GALNT17: variants seen among roughly 807,000 people sequenced by gnomAD.
GALNT17 encodes the protein polypeptide N-acetylgalactosaminyltransferase 17.
In GALNT17, 29 loss-of-function variants were observed where a neutral mutation model predicts 63.7. That is an observed-to-expected ratio of 0.46 (90% confidence interval 0.34 to 0.62). The LOEUF is 0.62. Among genes scored for constraint, GALNT17 ranks in the 20% least tolerant of loss-of-function variants. The pLI, the probability that GALNT17 is intolerant of heterozygous loss-of-function variation, is 0.01. For missense variants in GALNT17, 603 were observed against 799.6 expected (o/e 0.75, Z 2.97); for synonymous variants, 305 against 318.3 (o/e 0.96, Z 0.45).
intron 5 of GALNT17, among the ~76,000 whole-genome samples, chr7:71,562,501 C>T (rs539360919): frequency 7.2e-5 from 11 of 152,242 alleles, no homozygotes; most frequent in Admixed American, 2.0e-4. Context: ...TGATGGGAGA[C>T]GGTGACAGAT....
intron 6 of GALNT17, among the ~76,000 whole-genome samples, chr7:71,572,515 A>AC (rs530275754): frequency 0.064 from 8,295 of 129,998 alleles, 468 homozygotes; most frequent in East Asian, 0.16. Context: ...AAAAAAAAAA[A>AC]AAAAAAAAAA....
rs1299447841 is a variant in GALNT17 at position 71,421,099 on chromosome 7, C to T, written c.956C>T (p.Pro319Leu). 1 of 1,613,968 alleles carries T rather than the reference C, an allele frequency of 6.2e-7. No homozygotes were observed. Among genetic ancestry groups the T allele is most frequent in the Non-Finnish European group, 8.5e-7 (1 of 1,179,922 alleles). ...DWWDAGDPSL[P>L]IRTPAMIGCS... is the part of the protein sequence containing the mutation. ...TGGGACGCCGGAGACCCTTCTCTCCCCATCAGGTCTGTGGCTGGTGAGCCC... is the reference window on the plus strand; with the variant it reads ...TGGGACGCCGGAGACCCTTCTCTCCTCATCAGGTCTGTGGCTGGTGAGCCC... Residue 319 changes from proline (P) to leucine (L), a missense_variant, in exon 5 of 11, where the codon CCC becomes CTC. Physicochemically the swap from Pro to Leu is moderately conservative, Grantham distance 98 (BLOSUM62 -3). Around this residue, in one of 3 missense-constraint regions of GALNT17, gnomAD observed 336 missense variants for 507.8 expected, o/e 0.66. Transcript: ENST00000333538.
intron 2 of GALNT17, among the ~76,000 whole-genome samples, chr7:71,352,065 C>G (rs1351993293): frequency 6.6e-6 from 1 of 152,056 alleles, no homozygotes; most frequent in African/African-American, 2.4e-5. Flanking sequence ...AATTGTAGCT[C>G]TCATAATTCC....
chr7:71,623,893 G>A (rs1048408800), intron 6 of GALNT17, among the ~76,000 whole-genome samples: 2 of 152,094 alleles, frequency 1.3e-5, no homozygotes, highest in African/African-American at 4.8e-5. Context: ...CAAAAGACAG[G>A]ACCAAAACTC....
chr7:71,596,239 C>T (rs1237761839), intron 6 of GALNT17, among the ~76,000 whole-genome samples: 1 of 152,078 alleles, frequency 6.6e-6, no homozygotes, highest in Non-Finnish European at 1.5e-5. Context: ...GGGGTTTCAC[C>T]ATGTTGGCCA....
rs557013787 is a variant in GALNT17 at position 71,602,457 on chromosome 7, G to A, written c.1080+31055G>A. The stretch of plus-strand genomic sequence containing the variant: ...ATAAAAGCTGTATCTTTGATGTCTC[G>A]GCTTTGAAAAAGAATTGCTGTAATG... On this transcript the variant is annotated intron_variant, in intron 6 of 10. Transcript: ENST00000333538. Among the ~76,000 whole-genome samples, 11 of 152,184 alleles carry A rather than the reference G, an allele frequency of 7.2e-5. No individual in the cohort carries two copies. The South Asian group carries it at 1.7e-3, about 23-fold the overall frequency.
chr7:71,390,174 C>T (rs1000992821), intron 3 of GALNT17, among the ~76,000 whole-genome samples: 2 of 152,196 alleles, frequency 1.3e-5, no homozygotes, highest in South Asian at 2.1e-4. Flanking sequence ...TTCCTTTCAT[C>T]GTGCTGGGTA....
At chr7:71,294,157 G>A (rs1471101674) in intron 1 of GALNT17, among the ~76,000 whole-genome samples, 11 of 28,216 alleles carry the variant, frequency 3.9e-4, no homozygotes, top group South Asian at 2.3e-3. Context: ...GCGAGACTCC[G>A]TCTCAAAAAA....
intron 6 of GALNT17, among the ~76,000 whole-genome samples, chr7:71,602,462 T>G (rs1018010276): frequency 6.6e-6 from 1 of 152,194 alleles, no homozygotes; most frequent in African/African-American, 2.4e-5. Context: ...GTCTCGGCTT[T>G]GAAAAAGAAT....
intron 2 of GALNT17, among the ~76,000 whole-genome samples, chr7:71,386,701 G>A (rs1792952150): frequency 6.6e-6 from 1 of 152,108 alleles, no homozygotes; most frequent in Non-Finnish European, 1.5e-5. Context: ...GGCATATGAG[G>A]GCTGCTGGGT....
chr7:71,542,111 A>C (rs1788902559), intron 5 of GALNT17, among the ~76,000 whole-genome samples: 1 of 152,196 alleles, frequency 6.6e-6, no homozygotes, highest in Non-Finnish European at 1.5e-5. Context: ...CAGGTGAATA[A>C]CCGCAATAGA....
chr7:71,367,830 G>A (rs1792543255), intron 2 of GALNT17, among the ~76,000 whole-genome samples: 1 of 152,236 alleles, frequency 6.6e-6, no homozygotes, highest in African/African-American at 2.4e-5. Flanking sequence ...AGCTGCCATT[G>A]TTAATTAGGT....
intron 2 of GALNT17, among the ~76,000 whole-genome samples, chr7:71,354,652 G>A (rs1792249633): frequency 1.3e-5 from 2 of 152,012 alleles, no homozygotes; most frequent in African/African-American, 4.8e-5. Flanking sequence ...TACAACTTGT[G>A]CATCAATATT....
intron 5 of GALNT17, among the ~76,000 whole-genome samples, chr7:71,542,399 G>A (rs961546173): frequency 6.6e-6 from 1 of 151,934 alleles, no homozygotes; most frequent in Non-Finnish European, 1.5e-5. Flanking sequence ...TCTAGGAGAA[G>A]TCACTCTTCA....
intron 5 of GALNT17, among the ~76,000 whole-genome samples, chr7:71,445,059 T>A (rs1787135595): frequency 6.6e-6 from 1 of 151,698 alleles, no homozygotes; most frequent in African/African-American, 2.4e-5. Flanking sequence ...TCAGCACATG[T>A]AGAGGAGGGG....
intron 1 of GALNT17, among the ~76,000 whole-genome samples, chr7:71,238,449 T>G (rs1789935840): frequency 1.3e-5 from 2 of 152,174 alleles, no homozygotes; most frequent in Non-Finnish European, 2.9e-5. Context: ...ACCCTTCAAC[T>G]TATGGGCTCA....
intron 6 of GALNT17, among the ~76,000 whole-genome samples, chr7:71,642,579 G>A (rs1349209143): frequency 6.6e-6 from 1 of 152,164 alleles, no homozygotes; most frequent in Non-Finnish European, 1.5e-5. Context: ...ACTCACACCT[G>A]TAATCCCAGC....
intron 5 of GALNT17, among the ~76,000 whole-genome samples, chr7:71,547,289 C>G (rs1391840169): frequency 6.6e-6 from 1 of 151,960 alleles, no homozygotes; most frequent in Non-Finnish European, 1.5e-5. Context: ...CTCAGCCTCC[C>G]GAGTACCTGG....
In GALNT17 at chr7:71,687,674, C is replaced by T. The variant is rs947213566; in HGVS notation, c.1500+10368C>T. Among the ~76,000 whole-genome samples the T allele has an allele frequency of 4.6e-5, 7 of 152,274 alleles. No homozygotes were observed. In the Middle Eastern group the frequency reaches 0.01, roughly 222 times the overall value. On this transcript the variant is annotated intron_variant, in intron 9 of 10. Transcript: ENST00000333538. ...CACCATGGGGGTCAAATCAGGGGAT[C>T]TGTAGACCTTCTGGAAAACAGAGTT... is the stretch of plus-strand genomic sequence containing the variant.
Sources: gnomAD v4.1 joint callset for allele counts (sites outside exome capture counted in the v4.1 genomes callset) on GRCh38, gnomAD v4.1.1 for gene constraint, gnomAD v4.1.1 regional missense constraint, MANE v1.5 for transcripts, NCBI Gene and HGNC (gene_info 2026-07-23, HGNC 2026-07-21) for gene names.